Variants in SHROOM4 observed in about 807,000 individuals in gnomAD.
SHROOM4 encodes protein Shroom4.
In SHROOM4, 17 loss-of-function variants were observed where a neutral mutation model predicts 80.3. The observed-to-expected ratio is 0.21, with a 90% CI of 0.14 to 0.32. SHROOM4 has a LOEUF of 0.32. Among genes scored for constraint, SHROOM4 ranks in the 10% least tolerant of loss-of-function variants. The pLI is 1.00. For missense variants in SHROOM4, 993 were observed against 1,140.3 expected, an observed-to-expected ratio of 0.87 and a Z score of 1.86; for synonymous variants, 400 against 437.5, an observed-to-expected ratio of 0.91 and a Z score of 1.07.
intron 2 of SHROOM4, among the ~76,000 whole-genome samples, chrX:50,658,583 T>C (rs1932390410): frequency 8.9e-6 from 1 of 111,757 alleles, no homozygotes; most frequent in Non-Finnish European, 1.9e-5. Flanking sequence ...CTAGTACTTA[T>C]GGGAAAAGTC....
chrX:50,675,688 A>G (rs1557261213), intron 2 of SHROOM4, among the ~76,000 whole-genome samples: 8 of 111,440 alleles, frequency 7.2e-5, no homozygotes. Flanking sequence ...GTATTCAAAT[A>G]GTTGATGCTA....
In SHROOM4 at chrX:50,589,401, A is replaced by C. The variant is rs1370270470; in HGVS notation, c.*7294T>G. Among the ~76,000 whole-genome samples the C allele has an allele frequency of 8.9e-6, 1 of 111,741 alleles. No individual in the cohort carries two copies. Among genetic ancestry groups the C allele is most frequent in the East Asian group, 2.8e-4 (1 of 3,576 alleles). ...ACCAGGATGACAATCTAATTTTATA[A>C]TATTTTCATCATCCCCAAAAGAAAC... On this transcript the variant is annotated 3_prime_UTR_variant, in exon 9 of 9. Coordinates refer to ENST00000376020, the MANE Select transcript of SHROOM4 (RefSeq NM_020717.5).
At chrX:50,682,975 G>A (rs1932974584) in intron 2 of SHROOM4, among the ~76,000 whole-genome samples, 1 of 111,158 alleles carries the variant, frequency 9.0e-6, no homozygotes, top group South Asian at 3.8e-4. Context: ...GCAGAAAAAT[G>A]TGAGAAGCAG....
intron 2 of SHROOM4, among the ~76,000 whole-genome samples, chrX:50,646,527 AGTGTGTGTGTGT>A (rs782016561): frequency 3.8e-3 from 303 of 78,771 alleles, no homozygotes; most frequent in African/African-American, 0.01. Flanking sequence ...AGGGGGGAAG[AGTGTGTGTGTGT>A]GTGTGTGTGT....
intron 3 of SHROOM4, 35 bp downstream of exon 3, chrX:50,638,135 ACCCT>A (rs1557256463): frequency 8.4e-7 from 1 of 1,188,365 alleles, no homozygotes; most frequent in Admixed American, 2.3e-5. Context: ...CAAGGTGTCT[ACCCT>A]CCAGCCTGTC....
chrX:50,749,276 A>C (rs10521465), intron 1 of SHROOM4, among the ~76,000 whole-genome samples: 6,187 of 111,681 alleles, frequency 0.055, 434 homozygotes, highest in African/African-American at 0.19. Context: ...TATGATACCA[A>C]ATAAAGCCTA....
intron 1 of SHROOM4, among the ~76,000 whole-genome samples, chrX:50,728,186 C>T (rs1480342192): frequency 9.1e-6 from 1 of 110,131 alleles, no homozygotes; most frequent in East Asian, 2.9e-4. Context: ...GGTGAAACCC[C>T]GTCTCTACTA....
intron 2 of SHROOM4, among the ~76,000 whole-genome samples, chrX:50,664,109 G>T (rs1417526197): frequency 3.6e-5 from 4 of 111,879 alleles, no homozygotes; most frequent in Non-Finnish European, 7.5e-5. Context: ...TTCTCTTGAA[G>T]TACCTATTTA....
chrX:50,629,381 G>A, intron 4 of SHROOM4, among the ~76,000 whole-genome samples: 1 of 111,737 alleles, frequency 8.9e-6, no homozygotes, highest in South Asian at 3.8e-4. Flanking sequence ...TTGATAGCAT[G>A]GATTCAAATC....
At chrX:50,599,491 A>G (rs1252454562) in intron 7 of SHROOM4, among the ~76,000 whole-genome samples, 1 of 111,693 alleles carries the variant, frequency 9.0e-6, no homozygotes, top group Non-Finnish European at 1.9e-5. Context: ...GAGTCATAAT[A>G]AGGAGTCAAT....
chrX:50,771,555 A>C (rs1340845273), intron 1 of SHROOM4, among the ~76,000 whole-genome samples: 1 of 111,951 alleles, frequency 8.9e-6, no homozygotes, highest in Non-Finnish European at 1.9e-5. Flanking sequence ...CTTCTAGCCC[A>C]TAAGGTCATT....
chrX:50,678,014 C>T (rs1166527365), intron 2 of SHROOM4, among the ~76,000 whole-genome samples: 1 of 111,782 alleles, frequency 8.9e-6, no homozygotes, highest in Admixed American at 9.5e-5. Flanking sequence ...ACACAATCAA[C>T]CAAATTAGCG....
At chrX:50,773,593 C>T (rs1557269882) in intron 1 of SHROOM4, among the ~76,000 whole-genome samples, 2 of 112,164 alleles carry the variant, frequency 1.8e-5, no homozygotes, top group African/African-American at 6.5e-5. Flanking sequence ...AATTTTAGTA[C>T]ATGACTTAGA....
chrX:50,714,180 T>C (rs1312062259), intron 1 of SHROOM4, among the ~76,000 whole-genome samples: 2 of 112,010 alleles, frequency 1.8e-5, no homozygotes, highest in African/African-American at 6.5e-5. Context: ...TCCATTGGCC[T>C]ATGTGTCTGT....
downstream of SHROOM4, among the ~76,000 whole-genome samples, chrX:50,584,402 G>A (rs185399101): frequency 8.9e-6 from 1 of 111,996 alleles, no homozygotes; most frequent in South Asian, 3.8e-4. Flanking sequence ...ATTAGGCATA[G>A]ATGGGCATGC....
At chrX:50,665,271 ATTC>A (rs1932655063) in intron 2 of SHROOM4, among the ~76,000 whole-genome samples, 1 of 111,199 alleles carries the variant, frequency 9.0e-6, no homozygotes, top group Non-Finnish European at 1.9e-5. Context: ...AACTCAGTTT[ATTC>A]TTCTGTGAAG....
At chrX:50,725,763 C>T (rs1934229726) in intron 1 of SHROOM4, among the ~76,000 whole-genome samples, 1 of 112,511 alleles carries the variant, frequency 8.9e-6, no homozygotes, top group African/African-American at 3.2e-5. Context: ...TCATAAATTA[C>T]CCAGTCTCAG....
intron 1 of SHROOM4, among the ~76,000 whole-genome samples, chrX:50,723,753 TC>T (rs1557265670): frequency 9.0e-6 from 1 of 110,930 alleles, no homozygotes; most frequent in Admixed American, 9.5e-5. Flanking sequence ...CACATTATCT[TC>T]TTTTCAAGGG....
chrX:50,621,729 G>A (rs781794380), intron 5 of SHROOM4, among the ~76,000 whole-genome samples: 19 of 111,915 alleles, frequency 1.7e-4, no homozygotes, highest in African/African-American at 6.2e-4. Context: ...TCTGAAGGCT[G>A]CATTCTTCTT....
Sources: allele counts gnomAD v4.1 joint callset (sites outside exome capture counted in the v4.1 genomes callset), GRCh38; gene constraint gnomAD v4.1.1; transcripts MANE v1.5; gene names NCBI Gene and HGNC (gene_info 2026-07-23, HGNC 2026-07-21).